Variants in DAD1 observed in about 807,000 individuals in gnomAD.
DAD1 encodes dolichyl-diphosphooligosaccharide--protein glycosyltransferase subunit DAD1.
DAD1 carries 4 observed loss-of-function variants against 9.0 expected under a neutral mutation model. The ratio of observed to expected loss-of-function variants is 0.44; its 90% confidence interval spans 0.22 to 1.01. The LOEUF (loss-of-function observed/expected upper bound fraction) is 1.01. DAD1 is among the 50% of genes least tolerant of loss of function. The pLI is 0.24. For synonymous variants in DAD1, 60 were observed against 62.5 expected, an observed-to-expected ratio of 0.96 and a Z score of 0.19; for missense variants, 119 against 137.3, an observed-to-expected ratio of 0.87 and a Z score of 0.67.
intron 2 of DAD1, among the ~76,000 whole-genome samples, chr14:22,567,489 G>T (rs1366006448): frequency 6.6e-6 from 1 of 152,188 alleles, no homozygotes; most frequent in Non-Finnish European, 1.5e-5. Context: ...AAAAATGAAA[G>T]GAGCTTTAGA....
At chr14:22,582,873 G>C (rs894830291) in intron 1 of DAD1, among the ~76,000 whole-genome samples, 7 of 152,032 alleles carry the variant, frequency 4.6e-5, no homozygotes, top group Non-Finnish European at 1.0e-4. Flanking sequence ...GGGCATGGGG[G>C]AGCGTGCCTG....
chr14:22,570,324 A>G (rs1362694342), intron 2 of DAD1, among the ~76,000 whole-genome samples: 6 of 152,100 alleles, frequency 3.9e-5, no homozygotes, highest in Non-Finnish European at 7.4e-5. Flanking sequence ...TCCCCCACAC[A>G]ACAAAATCTA....
chr14:22,582,289 C>T lies in DAD1; in HGVS notation c.211+6658G>A, dbSNP rs538683210. Among the ~76,000 whole-genome samples, 11 of 149,570 alleles carry T rather than the reference C, an allele frequency of 7.4e-5. No individual in the cohort carries two copies. In the South Asian group the frequency reaches 1.3e-3, roughly 17 times the overall value. The stretch of plus-strand genomic sequence containing the variant: ...CAGCACTTTGGGAAGCCAAGGCGGG[C>T]GGATCACAAGGTCAGGAGATCGAGA... On this transcript the variant is annotated intron_variant, in intron 1 of 2. Transcript: ENST00000250498.
At chr14:22,571,179 G>A (rs908091627) in intron 2 of DAD1, among the ~76,000 whole-genome samples, 9 of 151,116 alleles carry the variant, frequency 6.0e-5, no homozygotes, top group African/African-American at 1.5e-4. Flanking sequence ...AAAACTAGCC[G>A]GGCAAGTGCC....
intron 1 of DAD1, among the ~76,000 whole-genome samples, chr14:22,575,732 A>C (rs1418082994): frequency 7.2e-5 from 11 of 152,148 alleles, no homozygotes; most frequent in Non-Finnish European, 7.4e-5. Context: ...TATTTTTAGT[A>C]GAGACGGGGT....
chr14:22,571,725 G>A (rs963052864), intron 2 of DAD1, among the ~76,000 whole-genome samples: 5 of 150,924 alleles, frequency 3.3e-5, no homozygotes, highest in African/African-American at 1.2e-4. Flanking sequence ...CGCCTCATGG[G>A]TTCAAACGAT....
intron 2 of DAD1, among the ~76,000 whole-genome samples, chr14:22,568,778 G>A (rs1181840006): frequency 6.6e-6 from 1 of 150,386 alleles, no homozygotes; most frequent in Non-Finnish European, 1.5e-5. Context: ...GTTCACTGCA[G>A]CCGTGACCTC....
chr14:22,565,989 C>A (rs140756408), intron 2 of DAD1, among the ~76,000 whole-genome samples: 95 of 152,300 alleles, frequency 6.2e-4, no homozygotes, highest in African/African-American at 2.0e-3. Context: ...TCAGAAGAAC[C>A]GGGCTGCCCC....
chr14:22,571,618 A>G (rs948111917), intron 2 of DAD1, among the ~76,000 whole-genome samples: 1 of 140,514 alleles, frequency 7.1e-6, no homozygotes, highest in Admixed American at 7.4e-5. Flanking sequence ...ATTTCTAGCA[A>G]GGGGCTCTTT....
intron 2 of DAD1, among the ~76,000 whole-genome samples, chr14:22,573,775 C>T (rs977473966): frequency 1.3e-5 from 2 of 149,962 alleles, no homozygotes; most frequent in Admixed American, 6.6e-5. Flanking sequence ...ACCTCACTGT[C>T]AACTTACCAC....
At chr14:22,571,920 G>A (rs778321286) in intron 2 of DAD1, among the ~76,000 whole-genome samples, 5 of 152,092 alleles carry the variant, frequency 3.3e-5, no homozygotes, top group African/African-American at 7.2e-5. Context: ...ATCAGCCACC[G>A]TGCTCAGCCA....
intron 2 of DAD1, among the ~76,000 whole-genome samples, chr14:22,573,573 G>A (rs2037056494): frequency 6.6e-6 from 1 of 151,894 alleles, no homozygotes. Flanking sequence ...AGCCGGGCGT[G>A]GTGGCGGGCG....
chr14:22,576,555 AT>A (rs1451344877), intron 1 of DAD1, among the ~76,000 whole-genome samples: 1 of 152,250 alleles, frequency 6.6e-6, no homozygotes, highest in East Asian at 1.9e-4. Context: ...ATGGCATTGG[AT>A]TTAGCAATGA....
chr14:22,571,715 C>T (rs199497672), intron 2 of DAD1, among the ~76,000 whole-genome samples: 4 of 150,832 alleles, frequency 2.7e-5, no homozygotes, highest in Non-Finnish European at 4.4e-5. Context: ...CTGCAACCTC[C>T]GCCTCATGGG....
rs2037067163 is a variant in DAD1 at position 22,575,092 on chromosome 14, A to C, written c.*11T>G. ...AGTCTCCTACTCCTCAATTAAGTAA[A>C]TGAGAATGATTCAGCCAACAAAGTT... On this transcript the variant is annotated 3_prime_UTR_variant, in exon 2 of 3. Transcript: ENST00000250498. 6.2e-7 allele frequency: 1 copy of C among 1,613,376 alleles called. No homozygotes were observed. The highest frequency in any genetic ancestry group is 1.3e-5 in the African/African-American group (1 of 74,888).
chr14:22,588,798 G>T, intron 1 of DAD1, 149 bp downstream of exon 1: 1 of 812,940 alleles, frequency 1.2e-6, no homozygotes. Context: ...TAAGCTTTCT[G>T]AGCCTCAATT....
At chr14:22,575,010 C>T in intron 2 of DAD1, 49 bp downstream of exon 2, 1 of 1,495,006 alleles carries the variant, frequency 6.7e-7, no homozygotes. Flanking sequence ...CATCCAATTT[C>T]TCTTCCTAAA....
chr14:22,569,043 C>T (rs1328442350), intron 2 of DAD1, among the ~76,000 whole-genome samples: 1 of 152,228 alleles, frequency 6.6e-6, no homozygotes, highest in Non-Finnish European at 1.5e-5. Context: ...CCCACAGCCT[C>T]TCCTATGAAT....
At chr14:22,577,014 G>C (rs55667501) in intron 1 of DAD1, among the ~76,000 whole-genome samples, 198 of 152,294 alleles carry the variant, frequency 1.3e-3, no homozygotes, top group Non-Finnish European at 2.1e-3. Context: ...ACTAACAAGT[G>C]GGAAAATCAA....
Sources: allele counts gnomAD v4.1 joint callset (sites outside exome capture counted in the v4.1 genomes callset), GRCh38; gene constraint gnomAD v4.1.1; transcripts MANE v1.5; gene names NCBI Gene and HGNC (gene_info 2026-07-23, HGNC 2026-07-21).